The following CDHR4 variants were observed in gnomAD, a reference collection of about 807,000 sequenced individuals.
The protein encoded by CDHR4 is cadherin-related family member 4.
Under a neutral mutation model 88.4 loss-of-function variants are expected in CDHR4, and 89 were observed. The ratio of observed to expected loss-of-function variants is 1.01; its 90% CI spans 0.85 to 1.20. The LOEUF (loss-of-function observed/expected upper bound fraction) is 1.20, where lower values mean the gene tolerates loss of function less well. Ranked by LOEUF, CDHR4 falls within the 50% of genes most tolerant of loss-of-function variation. CDHR4 has a pLI of 0.00. For synonymous variants in CDHR4, 368 were observed against 399.2 expected, an observed-to-expected ratio of 0.92 and a Z score of 0.93; for missense variants, 914 against 1,007.2, an observed-to-expected ratio of 0.91 and a Z score of 1.25.
chr3:49,791,610 C>T (rs2081180894), intron 17 of CDHR4, 104 bp downstream of exon 17: 1 of 1,476,770 alleles, frequency 6.8e-7, no homozygotes, highest in Non-Finnish European at 9.2e-7. Context: ...CACAAGGATA[C>T]CCATTCATCG....
intron 18 of CDHR4, 43 bp downstream of exon 18, chr3:49,791,398 T>C: frequency 6.6e-7 from 1 of 1,520,910 alleles, no homozygotes; most frequent in East Asian, 2.5e-5. Flanking sequence ...TCAGATGGGG[T>C]GAGGGCCCAG....
At chr3:49,800,492 C>T (rs1456513859), upstream of CDHR4, among the ~76,000 whole-genome samples, 1 of 151,464 alleles carries the variant, frequency 6.6e-6, no homozygotes, top group Non-Finnish European at 1.5e-5. Context: ...GTACTCCAAC[C>T]TGAGTGACAG....
upstream of CDHR4, among the ~76,000 whole-genome samples, chr3:49,802,610 T>C (rs1334240874): frequency 6.6e-6 from 1 of 152,234 alleles, no homozygotes; most frequent in Non-Finnish European, 1.5e-5. Flanking sequence ...TACACTACCC[T>C]TGAGCCTAGC....
chr3:49,793,751 G>T (rs1257776697), intron 11 of CDHR4, 29 bp from the exon 12 acceptor site: 1 of 1,551,472 alleles, frequency 6.4e-7, no homozygotes, highest in African/African-American at 1.4e-5. Context: ...GCTTCAGCCT[G>T]CAGGGCCAAC....
chr3:49,801,298 C>T (rs1252951813), upstream of CDHR4, among the ~76,000 whole-genome samples: 1 of 152,212 alleles, frequency 6.6e-6, no homozygotes, highest in Non-Finnish European at 1.5e-5. Context: ...CTGGCTGTTC[C>T]TGCTCAGCTT....
intron 4 of CDHR4, among the ~76,000 whole-genome samples, chr3:49,797,722 T>A (rs2081292680): frequency 6.6e-6 from 1 of 151,596 alleles, no homozygotes; most frequent in Admixed American, 6.6e-5. Flanking sequence ...CCTCCAGTGA[T>A]CCACCCGCCT....
chr3:49,797,225 C>T (rs2081285312), intron 4 of CDHR4, among the ~76,000 whole-genome samples, 193 bp from the exon 5 acceptor site: 1 of 149,720 alleles, frequency 6.7e-6, no homozygotes, highest in Non-Finnish European at 1.5e-5. Flanking sequence ...TCGCTCTCTC[C>T]TTCCTTCCTT....
chr3:49,797,142 C>T, intron 4 of CDHR4, 110 bp from the exon 5 acceptor site: 3 of 677,970 alleles, frequency 4.4e-6, no homozygotes, highest in Non-Finnish European at 5.1e-6. Context: ...CTGCCTACAC[C>T]CAATTTATTT....
chr3:49,794,762 GGGGCTGC>G, intron 9 of CDHR4, 61 bp from the exon 10 acceptor site: 1 of 1,458,328 alleles, frequency 6.9e-7, no homozygotes, highest in Non-Finnish European at 9.3e-7. Context: ...TGAGCCACAC[GGGGCTGC>G]TGTAGGCCAG....
chr3:49,792,935 G>T lies in CDHR4; in HGVS notation c.1914C>A (p.His638Gln), dbSNP rs1559723718. 1.9e-6 allele frequency: 3 copies of T among 1,551,664 alleles called. No homozygotes were observed. Among genetic ancestry groups the T allele is most frequent in the Non-Finnish European group, 2.6e-6 (3 of 1,146,966 alleles). The change falls in exon 14 of 19, where the codon CAC becomes CAA. Residue 638 changes from histidine to glutamine, a missense_variant. By Grantham distance (24) the His-to-Gln change is conservative. Transcript: ENST00000412678. ...CVADAGPSTPHLSTTATIIVH... is the reference protein window; with the variant it reads ...CVADAGPSTPQLSTTATIIVH... The stretch of plus-strand genomic sequence containing the variant: ...CAATAATGGTGGCTGTGGTGCTGAG[G>T]TGGGGGGTGGAGGGGCCTGCATCGG...
chr3:49,799,502 G>T, intron 1 of CDHR4, 65 bp from the exon 2 acceptor site: 1 of 1,477,840 alleles, frequency 6.8e-7, no homozygotes, highest in African/African-American at 1.4e-5. Context: ...TACTAGCATA[G>T]TCCTGTCCTT....
Position 49,793,320 on chromosome 3 carries a change from A to T in CDHR4, c.1624-9T>A. The stretch of plus-strand genomic sequence containing the variant: ...GCATGGTCATTCACATCCTGCAGAA[A>T]GGAACCAGGTTAGGAGTGGGTGGAA... On this transcript the variant is annotated splice_polypyrimidine_tract_variant and intron_variant, in intron 12 of 18. Transcript: ENST00000412678. 6.4e-7 allele frequency: 1 copy of T among 1,551,162 alleles called. No homozygotes were observed. Among genetic ancestry groups the T allele is most frequent in the Non-Finnish European group, 8.7e-7 (1 of 1,146,894 alleles).
chr3:49,796,791 C>T (rs2081276793), intron 5 of CDHR4, 131 bp downstream of exon 5: 2 of 676,892 alleles, frequency 3.0e-6, no homozygotes, highest in Non-Finnish European at 5.2e-6. Flanking sequence ...AGACAGCATG[C>T]AGCAGCAGGT....
upstream of CDHR4, among the ~76,000 whole-genome samples, chr3:49,800,058 A>C (rs2081340390): frequency 6.6e-6 from 1 of 152,026 alleles, no homozygotes; most frequent in Admixed American, 6.6e-5. Flanking sequence ...GAAGGGGAGG[A>C]GGATTAAGGT....
chr3:49,799,522 G>A, intron 1 of CDHR4, 85 bp from the exon 2 acceptor site: 1 of 1,411,084 alleles, frequency 7.1e-7, no homozygotes, highest in Non-Finnish European at 9.5e-7. Context: ...TTTGCCACAG[G>A]GCCTGGCCAT....
intron 4 of CDHR4, among the ~76,000 whole-genome samples, chr3:49,797,966 G>A (rs1479012809): frequency 1.4e-5 from 2 of 147,306 alleles, no homozygotes; most frequent in East Asian, 4.0e-4. Context: ...CTGGAGCAGT[G>A]GCACAATCTT....
chr3:49,802,440 G>T (rs1468552217), upstream of CDHR4, among the ~76,000 whole-genome samples: 1 of 152,186 alleles, frequency 6.6e-6, no homozygotes, highest in Non-Finnish European at 1.5e-5. Context: ...CTCCCAAACT[G>T]CTGGGATTAC....
At chr3:49,801,385 C>T (rs1431356909), upstream of CDHR4, among the ~76,000 whole-genome samples, 2 of 152,194 alleles carry the variant, frequency 1.3e-5, no homozygotes, top group African/African-American at 4.8e-5. Flanking sequence ...ATTGCTGTCT[C>T]CCTCTGACTA....
Position 49,794,990 on chromosome 3 carries a change from G to T in CDHR4, c.1142C>A (p.Ser381Tyr). Reference protein sequence around the residue: ...TLDYKLWFRSSSNPASLCLYD... With the variant: ...TLDYKLWFRSYSNPASLCLYD... ...AAGGCAGAGGCTGGCAGGGTTGGAA[G>T]AGCTGCGGAACCACAGCTTGTAGTC... Residue 381 changes from serine (S) to tyrosine (Y), a missense_variant, in exon 9 of 19, where the codon TCT (serine) becomes TAT (tyrosine). By Grantham distance (144) the Ser-to-Tyr change is moderately radical. Coordinates refer to ENST00000412678, the MANE Select transcript of CDHR4 (RefSeq NM_001007540.4). The T allele has an allele frequency of 6.4e-7, 1 of 1,551,702 alleles. No individual in the cohort carries two copies. Among genetic ancestry groups the T allele is most frequent in the Non-Finnish European group, 8.7e-7 (1 of 1,146,992 alleles).
Sources: gnomAD v4.1 joint callset for allele counts (sites outside exome capture counted in the v4.1 genomes callset) on GRCh38, gnomAD v4.1.1 for gene constraint, MANE v1.5 for transcripts, NCBI Gene and HGNC (gene_info 2026-07-23, HGNC 2026-07-21) for gene names.